TMIGD3: variants seen among roughly 807,000 people sequenced by gnomAD.
TMIGD3 encodes the protein AD026 protein (AD026).
Under a neutral mutation model 28.1 loss-of-function variants are expected in TMIGD3, and 21 were observed. The ratio of observed to expected loss-of-function variants is 0.75; its 90% CI spans 0.53 to 1.08. The LOEUF is 1.08. Among genes scored for constraint, TMIGD3 ranks in the 50% least tolerant of loss-of-function variants. TMIGD3 has a pLI of 0.00. For missense variants in TMIGD3, 416 were observed against 435.6 expected, an observed-to-expected ratio of 0.96 and a Z score of 0.40; for synonymous variants, 151 against 162.1, an observed-to-expected ratio of 0.93 and a Z score of 0.52.
chr1:111,544,780 C>T (rs2101028398), intron 1 of TMIGD3, among the ~76,000 whole-genome samples: 2 of 149,734 alleles, frequency 1.3e-5, no homozygotes, highest in East Asian at 4.0e-4. Context: ...TGGTACATAC[C>T]CAATTTCTTG....
intron 1 of TMIGD3, among the ~76,000 whole-genome samples, chr1:111,557,391 A>G (rs1243366886): frequency 6.6e-6 from 1 of 152,154 alleles, no homozygotes; most frequent in Non-Finnish European, 1.5e-5. Flanking sequence ...TACTAAAAAT[A>G]CAAAAACAAT....
chr1:111,554,688 C>T (rs1412874637), intron 1 of TMIGD3, among the ~76,000 whole-genome samples: 1 of 152,234 alleles, frequency 6.6e-6, no homozygotes, highest in Non-Finnish European at 1.5e-5. Flanking sequence ...AAAGTCTTCT[C>T]TTGAGAATTT....
upstream of TMIGD3, chr1:111,505,123 CCAAAAA>C: frequency 7.1e-6 from 1 of 141,290 alleles, no homozygotes. Context: ...CAGCACTCTG[CCAAAAA>C]AAAAAAAAAA....
chr1:111,554,776 T>C (rs1657412576), intron 1 of TMIGD3, among the ~76,000 whole-genome samples: 1 of 152,140 alleles, frequency 6.6e-6, no homozygotes, highest in Non-Finnish European at 1.5e-5. Flanking sequence ...GTGATTCAGG[T>C]TGGTAGACCC....
At chr1:111,497,749 A>G (rs1470734017) in intron 1 of TMIGD3, among the ~76,000 whole-genome samples, 1 of 152,198 alleles carries the variant, frequency 6.6e-6, no homozygotes, top group Non-Finnish European at 1.5e-5. Context: ...AAGGATACCA[A>G]ATGACTCAGG....
rs143013332 is a variant in TMIGD3, at chr1:111,563,089, C to A, written c.107+757G>T. Among the ~76,000 whole-genome samples, 270 of 152,262 alleles carry A rather than the reference C, an allele frequency of 1.8e-3. 1 individual carries two copies. The highest frequency in any genetic ancestry group is 6.8e-3 in the Middle Eastern group (2 of 294). On this transcript the variant is annotated intron_variant, in intron 1 of 5. Transcript: ENST00000369717. ...GCAGCGTACTCAAAGTCCTACACAG[C>A]TAGTAAGTAAGCAAAACTAACTTTA...
chr1:111,539,285 G>T (rs1389805927), intron 1 of TMIGD3, among the ~76,000 whole-genome samples: 1 of 151,982 alleles, frequency 6.6e-6, no homozygotes, highest in Non-Finnish European at 1.5e-5. Context: ...AGTGTCTGTT[G>T]TTCCCATCTC....
At chr1:111,538,620 ATT>A (rs1207530297) in intron 1 of TMIGD3, among the ~76,000 whole-genome samples, 4 of 152,320 alleles carry the variant, frequency 2.6e-5, no homozygotes, top group Admixed American at 6.5e-5. Flanking sequence ...TTAGAACCAT[ATT>A]GTCTACAAAA....
upstream of TMIGD3, chr1:111,504,751 C>G (rs1364097934): frequency 3.9e-6 from 2 of 514,334 alleles, no homozygotes; most frequent in African/African-American, 4.2e-5. Flanking sequence ...GACGCCTCTG[C>G]CTGGGGCTCA....
intron 1 of TMIGD3, among the ~76,000 whole-genome samples, chr1:111,519,231 A>G (rs1407252824): frequency 6.6e-6 from 1 of 152,138 alleles, no homozygotes; most frequent in Non-Finnish European, 1.5e-5. Context: ...GAGCCACCGC[A>G]ACCAGCCCCA....
chr1:111,536,870 A>G (rs1400248387), intron 1 of TMIGD3, among the ~76,000 whole-genome samples: 1 of 151,932 alleles, frequency 6.6e-6, no homozygotes, highest in Non-Finnish European at 1.5e-5. Context: ...CCTTCCAATG[A>G]CTGGTGCTGC....
At chr1:111,496,584 C>A (rs1654896781) in intron 1 of TMIGD3, among the ~76,000 whole-genome samples, 1 of 152,182 alleles carries the variant, frequency 6.6e-6, no homozygotes, top group Admixed American at 6.5e-5. Flanking sequence ...AATATATTTT[C>A]TTTGTCTTAC....
intron 1 of TMIGD3, among the ~76,000 whole-genome samples, chr1:111,495,090 G>T (rs980645173): frequency 1.3e-5 from 2 of 152,202 alleles, no homozygotes; most frequent in African/African-American, 2.4e-5. Flanking sequence ...AACTGGCAAA[G>T]ATTTCATGAT....
At chr1:111,488,527 T>A in intron 3 of TMIGD3, 150 bp downstream of exon 3, 1 of 675,292 alleles carries the variant, frequency 1.5e-6, no homozygotes, top group Non-Finnish European at 2.5e-6. Context: ...GACCACCCTA[T>A]GTTTGCCGGA....
At chr1:111,533,857 A>T (rs1656534526) in intron 1 of TMIGD3, among the ~76,000 whole-genome samples, 1 of 152,180 alleles carries the variant, frequency 6.6e-6, no homozygotes, top group South Asian at 2.1e-4. Flanking sequence ...TCCGGCCAGT[A>T]CAGCATATTG....
intron 1 of TMIGD3, among the ~76,000 whole-genome samples, chr1:111,561,642 T>G (rs567616605): frequency 6.6e-6 from 1 of 152,208 alleles, no homozygotes; most frequent in African/African-American, 2.4e-5. Flanking sequence ...AGGCCATTAC[T>G]CTTCTCTCCT....
Position 111,486,571 on chromosome 1 carries a change from A to AGACTATGACTCATCCGCCG in TMIGD3, c.872+14_872+15insCGGCGGATGAGTCATAGTC, listed in dbSNP as rs1557814304. On this transcript the variant is annotated intron_variant, in intron 4 of 5. Transcript: ENST00000369716. Reference sequence around the variant, plus strand: ...ACCGCCCCAAGCCCATTCATCCGCCAAGACTATGACTCACCTGGAGCGGTC... The same window carrying AGACTATGACTCATCCGCCG: ...ACCGCCCCAAGCCCATTCATCCGCCAGACTATGACTCATCCGCCGAGACTATGACTCACCTGGAGCGGTC... The AGACTATGACTCATCCGCCG allele has an allele frequency of 2.5e-6, 4 of 1,602,894 alleles. No homozygotes were observed. The East Asian group carries it at 8.9e-5, about 36-fold the overall frequency.
rs570269736 is a variant in TMIGD3 at position 111,503,109 on chromosome 1, G to C, written c.246C>G (p.Ser82Arg). The C allele has an allele frequency of 4.0e-5, 64 of 1,614,232 alleles. No homozygotes were observed. The highest frequency in any genetic ancestry group is 5.3e-5 in the Non-Finnish European group (63 of 1,180,026). ...GCAGTAGGCAAGTCATAAAAAGGCA[G>C]CTGTAGAAGTGGATTGTGATGCCCA... Reference protein sequence around the residue: ...VSLGITIHFYSCLFMTCLLLI... With the variant: ...VSLGITIHFYRCLFMTCLLLI... The change falls in exon 1 of 6, where the codon AGC becomes AGG. Residue 82 changes from serine to arginine, a missense_variant. Ser to Arg is a moderately radical substitution (Grantham distance 110). Coordinates refer to ENST00000369716, the MANE Select transcript of TMIGD3 (RefSeq NM_020683.7).
chr1:111,546,906 A>G (rs1335458450), intron 1 of TMIGD3, among the ~76,000 whole-genome samples: 2 of 152,144 alleles, frequency 1.3e-5, no homozygotes, highest in African/African-American at 4.8e-5. Context: ...CAAGGAATTT[A>G]ATTTCTCCAT....
Sources: gnomAD v4.1 joint callset for allele counts (sites outside exome capture counted in the v4.1 genomes callset) on GRCh38, gnomAD v4.1.1 for gene constraint, MANE v1.5 for transcripts, NCBI Gene and HGNC (gene_info 2026-07-23, HGNC 2026-07-21) for gene names.